The following GPC5 variants were observed in gnomAD, a reference collection of about 807,000 sequenced individuals.
GPC5 encodes glypican-5.
Under a neutral mutation model 53.9 loss-of-function variants are expected in GPC5, and 47 were observed. That is an observed-to-expected ratio of 0.87 (90% CI 0.69 to 1.11). The LOEUF (loss-of-function observed/expected upper bound fraction) is 1.11, where lower values mean the gene tolerates loss of function less well. GPC5 is among the 50% of genes most tolerant of loss of function. The probability of loss-of-function intolerance (pLI) is 0.00; values close to 1 mark genes in which losing one functional copy is unlikely to be tolerated. For missense variants in GPC5, 748 were observed against 713.1 expected (o/e 1.05, Z -0.56); for synonymous variants, 286 against 263.3 (o/e 1.09, Z -0.84).
At chr13:92,465,434 T>C (rs983294069) in intron 7 of GPC5, among the ~76,000 whole-genome samples, 1 of 152,096 alleles carries the variant, frequency 6.6e-6, no homozygotes, top group African/African-American at 2.4e-5. Context: ...AGATGTCAGA[T>C]AATTTGATGG....
At chr13:92,797,567 G>A (rs1433204007) in intron 7 of GPC5, among the ~76,000 whole-genome samples, 1 of 151,800 alleles carries the variant, frequency 6.6e-6, no homozygotes, top group Non-Finnish European at 1.5e-5. Context: ...CTTAAATTAT[G>A]TTCTGCCACA....
intron 7 of GPC5, among the ~76,000 whole-genome samples, chr13:92,524,316 T>C (rs1430126349): frequency 6.6e-6 from 1 of 152,122 alleles, no homozygotes; most frequent in East Asian, 1.9e-4. Flanking sequence ...GAAACCACTT[T>C]CTTTGTTCAT....
intron 6 of GPC5, among the ~76,000 whole-genome samples, chr13:91,940,670 T>G (rs980204195): frequency 1.3e-5 from 2 of 152,132 alleles, no homozygotes; most frequent in Non-Finnish European, 2.9e-5. Flanking sequence ...TTATTTGACT[T>G]TTTGATAATA....
intron 7 of GPC5, among the ~76,000 whole-genome samples, chr13:92,530,037 C>T (rs1237697443): frequency 3.3e-5 from 5 of 152,244 alleles, no homozygotes; most frequent in Middle Eastern, 3.4e-3. Context: ...GAGCTCTCAT[C>T]GTGCCACTGC....
intron 6 of GPC5, among the ~76,000 whole-genome samples, chr13:91,970,891 C>T (rs1044186987): frequency 1.6e-4 from 24 of 152,300 alleles, no homozygotes; most frequent in Non-Finnish European, 3.1e-4. Flanking sequence ...AGGATTTTTG[C>T]ATCAATGTTC....
At chr13:91,860,679 T>G (rs990910739) in intron 5 of GPC5, among the ~76,000 whole-genome samples, 4 of 152,084 alleles carry the variant, frequency 2.6e-5, no homozygotes, top group Non-Finnish European at 5.9e-5. Flanking sequence ...TTTTTATATT[T>G]TTAGTAGAGG....
chr13:92,826,804 G>T (rs1055532928), intron 7 of GPC5, among the ~76,000 whole-genome samples: 2 of 152,060 alleles, frequency 1.3e-5, no homozygotes, highest in African/African-American at 4.8e-5. Flanking sequence ...TCATTTGCTT[G>T]TTTTTTGTCC....
chr13:92,145,877 A>G (rs1387614576), intron 7 of GPC5, among the ~76,000 whole-genome samples: 2 of 152,146 alleles, frequency 1.3e-5, no homozygotes, highest in Non-Finnish European at 2.9e-5. Flanking sequence ...CCTATTAGAC[A>G]TGCCTTTTGG....
At chr13:92,569,378 A>G (rs1482817865) in intron 7 of GPC5, among the ~76,000 whole-genome samples, 1 of 152,034 alleles carries the variant, frequency 6.6e-6, no homozygotes, top group African/African-American at 2.4e-5. Flanking sequence ...CTGTTCCACA[A>G]TATTTTATTC....
intron 7 of GPC5, among the ~76,000 whole-genome samples, chr13:92,492,910 A>AT (rs1555338554): frequency 1.3e-5 from 2 of 152,142 alleles, no homozygotes; most frequent in African/African-American, 4.8e-5. Flanking sequence ...ATGGGGAATA[A>AT]TTTTTTTCCA....
intron 7 of GPC5, among the ~76,000 whole-genome samples, chr13:92,367,810 T>A (rs886153764): frequency 6.6e-6 from 1 of 152,170 alleles, no homozygotes; most frequent in Non-Finnish European, 1.5e-5. Context: ...TGACCTGGAA[T>A]GAAATATAAA....
chr13:92,370,991 A>G (rs2043645999), intron 7 of GPC5, among the ~76,000 whole-genome samples: 1 of 152,012 alleles, frequency 6.6e-6, no homozygotes, highest in Admixed American at 6.6e-5. Flanking sequence ...TCTACTAAAT[A>G]TACAAAAATT....
At chr13:92,810,745 G>C (rs982156761) in intron 7 of GPC5, among the ~76,000 whole-genome samples, 2 of 151,970 alleles carry the variant, frequency 1.3e-5, no homozygotes, top group Admixed American at 1.3e-4. Flanking sequence ...TTTTGAGACG[G>C]AGTCTCACCT....
intron 7 of GPC5, among the ~76,000 whole-genome samples, chr13:92,373,797 T>C (rs747209007): frequency 6.6e-6 from 1 of 152,224 alleles, no homozygotes; most frequent in African/African-American, 2.4e-5. Flanking sequence ...TTCATTTTAC[T>C]CTTTCTAAAA....
chr13:91,574,767 G>T (rs946025018), intron 2 of GPC5, among the ~76,000 whole-genome samples: 1 of 152,068 alleles, frequency 6.6e-6, no homozygotes, highest in Non-Finnish European at 1.5e-5. Context: ...TGAAGATTAA[G>T]TGATTGAGTC....
chr13:91,747,639 T>G (rs2037079616), intron 4 of GPC5, among the ~76,000 whole-genome samples: 1 of 71,740 alleles, frequency 1.4e-5, no homozygotes, highest in Admixed American at 1.3e-4. Context: ...GCGATGTATC[T>G]GGTTTTTTTT....
At chr13:92,117,075 T>C (rs548428049) in intron 6 of GPC5, among the ~76,000 whole-genome samples, 2 of 152,322 alleles carry the variant, frequency 1.3e-5, no homozygotes, top group South Asian at 4.1e-4. Flanking sequence ...GATTGCTGTT[T>C]TTGCATGTGA....
chr13:91,860,664 G>A (rs1206054806), intron 5 of GPC5, among the ~76,000 whole-genome samples: 1 of 151,692 alleles, frequency 6.6e-6, no homozygotes, highest in Admixed American at 6.6e-5. Context: ...AGCATGTCCA[G>A]CCAATTTTTA....
chr13:92,837,868 G>T (rs538863787), intron 7 of GPC5, among the ~76,000 whole-genome samples: 1 of 151,908 alleles, frequency 6.6e-6, no homozygotes, highest in African/African-American at 2.4e-5. Context: ...CGAGGCGGGC[G>T]GATCACCTGA....
Sources: gnomAD v4.1 joint callset for allele counts (sites outside exome capture counted in the v4.1 genomes callset) on GRCh38, gnomAD v4.1.1 for gene constraint, MANE v1.5 for transcripts, NCBI Gene and HGNC (gene_info 2026-07-23, HGNC 2026-07-21) for gene names.